PTPRN2: variants seen among roughly 807,000 people sequenced by gnomAD.
The protein encoded by PTPRN2 is protein tyrosine phosphatase receptor type N2, also known as receptor-type tyrosine-protein phosphatase N2.
Under a neutral mutation model 118.8 loss-of-function variants are expected in PTPRN2, and 74 were observed. That is an observed-to-expected ratio of 0.62 (90% CI 0.52 to 0.76). PTPRN2 has a LOEUF of 0.76. PTPRN2 is among the 30% of genes least tolerant of loss of function. PTPRN2 has a pLI of 0.00. For synonymous variants in PTPRN2, 641 were observed against 608.0 expected, an observed-to-expected ratio of 1.05 and a Z score of -0.80; for missense variants, 1,481 against 1,394.4, an observed-to-expected ratio of 1.06 and a Z score of -0.99.
intron 12 of PTPRN2, among the ~76,000 whole-genome samples, chr7:157,800,930 C>G (rs981291421): frequency 6.6e-6 from 1 of 151,170 alleles, no homozygotes; most frequent in Non-Finnish European, 1.5e-5. Flanking sequence ...CCAGCCTGGG[C>G]AACAGAGAGA....
intron 11 of PTPRN2, among the ~76,000 whole-genome samples, chr7:157,921,835 C>T (rs13235302): frequency 1.3e-5 from 2 of 152,296 alleles, no homozygotes; most frequent in African/African-American, 4.8e-5. Context: ...AAAAATCCAC[C>T]TAAGAGAACA....
intron 12 of PTPRN2, among the ~76,000 whole-genome samples, chr7:157,721,052 C>A (rs1016684390): frequency 6.6e-6 from 1 of 152,174 alleles, no homozygotes; most frequent in Non-Finnish European, 1.5e-5. Flanking sequence ...ACTATCACAG[C>A]CGCTCAGGAT....
rs945651928 is a variant in PTPRN2, at chr7:157,929,757, A to AAT, written c.1724-31022_1724-31021dup. On this transcript the variant is annotated intron_variant, in intron 11 of 22. Coordinates refer to ENST00000389418, the MANE Select transcript of PTPRN2 (RefSeq NM_002847.5). This position sits in a 1 kb window ranked among gnomAD's most constrained non-coding sequence, Gnocchi z 4.4. ...GGAGCTCTGTGCTGCTGTTGAGATG[A>AAT]ATGGTGCCAGAAGGGAGTCTTTCCA... Among the ~76,000 whole-genome samples, 1 of 152,090 alleles carries AAT rather than the reference A, an allele frequency of 6.6e-6. No individual in the cohort carries two copies. Among genetic ancestry groups the AAT allele is most frequent in the African/African-American group, 2.4e-5 (1 of 41,396 alleles).
chr7:157,875,854 CA>C (rs1795731260), intron 12 of PTPRN2, among the ~76,000 whole-genome samples: 1 of 138,516 alleles, frequency 7.2e-6, no homozygotes, highest in African/African-American at 2.7e-5. Context: ...GTCCCCAGGG[CA>C]GGCACGGGGC....
intron 14 of PTPRN2, among the ~76,000 whole-genome samples, chr7:157,650,860 C>G (rs542906271): frequency 6.6e-6 from 1 of 152,192 alleles, no homozygotes; most frequent in Non-Finnish European, 1.5e-5. Context: ...GGTGACTTAT[C>G]GCTAAGAACT....
chr7:158,050,738 A>T (rs1367266221), intron 11 of PTPRN2, among the ~76,000 whole-genome samples: 1 of 152,160 alleles, frequency 6.6e-6, no homozygotes, highest in Non-Finnish European at 1.5e-5. Flanking sequence ...TCTGTCCCCC[A>T]CACGACTCTT....
intron 2 of PTPRN2, among the ~76,000 whole-genome samples, chr7:158,413,607 G>A (rs1814386096): frequency 6.6e-6 from 1 of 152,224 alleles, no homozygotes; most frequent in South Asian, 2.1e-4. Flanking sequence ...AGCCCCGTGT[G>A]GGCTCCATGG....
At position 158,338,287 on chromosome 7, in the gene PTPRN2, G is replaced by A. The variant is rs866420490; in HGVS notation, c.164-21355C>T. 4.1e-4 allele frequency among the ~76,000 whole-genome samples: 29 copies of A among 70,626 alleles called. 7 individuals are homozygous for A. The highest frequency in any genetic ancestry group is 1.6e-3 in the African/African-American group (24 of 14,842). The allele number at this position is 70,626 out of a possible 152,430, so 46.3% of individuals were successfully genotyped here. ...ACTCTCACCATAAGCGCTGACACCT[G>A]CTGACGTCACTCACACCCACACTGT... is the stretch of plus-strand genomic sequence containing the variant. On this transcript the variant is annotated intron_variant, in intron 2 of 22. Coordinates refer to ENST00000389418, the MANE Select transcript of PTPRN2 (RefSeq NM_002847.5).
chr7:157,778,471 T>C (rs547649577), intron 12 of PTPRN2, among the ~76,000 whole-genome samples: 21 of 150,676 alleles, frequency 1.4e-4, no homozygotes, highest in African/African-American at 2.7e-4. Flanking sequence ...ATACAGGTGT[T>C]GGGTGCCCAT....
intron 14 of PTPRN2, among the ~76,000 whole-genome samples, chr7:157,637,745 G>T (rs375409859): frequency 2.0e-5 from 3 of 152,348 alleles, no homozygotes; most frequent in African/African-American, 7.2e-5. Context: ...CCTTTCAGAA[G>T]AAGGATGAGG....
intron 1 of PTPRN2, among the ~76,000 whole-genome samples, chr7:158,491,125 G>A (rs1821412818): frequency 6.6e-6 from 1 of 152,248 alleles, no homozygotes. Flanking sequence ...CCTTAAACCA[G>A]CACGTGCGGA....
intron 11 of PTPRN2, among the ~76,000 whole-genome samples, chr7:158,058,661 G>C (rs1459828310): frequency 6.7e-4 from 48 of 71,912 alleles, no homozygotes; most frequent in African/African-American, 2.5e-3. Flanking sequence ...CCCACGGTGA[G>C]ACATCACTGC....
At chr7:158,169,949 C>A (rs1456050455) in intron 5 of PTPRN2, among the ~76,000 whole-genome samples, 1 of 152,172 alleles carries the variant, frequency 6.6e-6, no homozygotes, top group Non-Finnish European at 1.5e-5. Context: ...GCCTTAGCCT[C>A]CCAAAGTGCT....
chr7:158,187,738 A>T (rs1825291881), intron 5 of PTPRN2, among the ~76,000 whole-genome samples: 1 of 152,234 alleles, frequency 6.6e-6, no homozygotes, highest in South Asian at 2.1e-4. Flanking sequence ...CAGCTGTGCT[A>T]AATGTCTGTG....
At chr7:158,293,120 C>A (rs761069727) in intron 3 of PTPRN2, among the ~76,000 whole-genome samples, 5 of 151,966 alleles carry the variant, frequency 3.3e-5, no homozygotes, top group Non-Finnish European at 5.9e-5. Context: ...ATGAATGGAG[C>A]CTGCAGGACT....
At position 157,784,333 on chromosome 7, in the gene PTPRN2, C is replaced by A. The variant is rs192788106; in HGVS notation, c.1789-101396G>T. On this transcript the variant is annotated intron_variant, in intron 12 of 22. Coordinates refer to ENST00000389418, the MANE Select transcript of PTPRN2 (RefSeq NM_002847.5). This position sits in a 1 kb window ranked among gnomAD's most constrained non-coding sequence, Gnocchi z 4.6. ...TCTGCACAGTGACGGATTAGGGGGGCGGTTCAGCAGCCCCTCGAACCTTCA... is the reference window on the plus strand; with the variant it reads ...TCTGCACAGTGACGGATTAGGGGGGAGGTTCAGCAGCCCCTCGAACCTTCA... Among the ~76,000 whole-genome samples, 685 of 152,232 alleles carry A rather than the reference C, an allele frequency of 4.5e-3. 8 individuals are homozygous for A. The highest frequency in any genetic ancestry group is 0.016 in the African/African-American group (650 of 41,542).
intron 3 of PTPRN2, among the ~76,000 whole-genome samples, chr7:158,258,327 C>T (rs118041716): frequency 0.012 from 1,808 of 152,386 alleles, 14 homozygotes; most frequent in Non-Finnish European, 0.017. Flanking sequence ...GCGCGACTGG[C>T]GTGGAAAGGG....
At chr7:158,212,516 G>T (rs1218382501) in intron 3 of PTPRN2, among the ~76,000 whole-genome samples, 1 of 151,982 alleles carries the variant, frequency 6.6e-6, no homozygotes, top group Non-Finnish European at 1.5e-5. Flanking sequence ...ATACACCTGT[G>T]TACCCACAAA....
intron 2 of PTPRN2, among the ~76,000 whole-genome samples, chr7:158,454,990 C>A (rs541886820): frequency 6.6e-6 from 1 of 152,176 alleles, no homozygotes; most frequent in South Asian, 2.1e-4. Flanking sequence ...AGCAAACACA[C>A]GCTCCACTTG....
Sources: allele counts gnomAD v4.1 joint callset (sites outside exome capture counted in the v4.1 genomes callset), GRCh38; gene constraint gnomAD v4.1.1; non-coding constraint Gnocchi (gnomAD v3.1); transcripts MANE v1.5; gene names NCBI Gene and HGNC (gene_info 2026-07-23, HGNC 2026-07-21).